Variants in ARFGEF3 observed in about 807,000 individuals in gnomAD.
ARFGEF3 encodes the protein ARFGEF family member 3.
ARFGEF3 carries 96 observed loss-of-function variants against 221.7 expected under a neutral mutation model. The ratio of observed to expected loss-of-function variants is 0.43; its 90% CI spans 0.37 to 0.51. The LOEUF is 0.51. ARFGEF3 is among the 20% of genes least tolerant of loss of function. The probability of loss-of-function intolerance (pLI) is 0.00; values close to 1 mark genes in which losing one functional copy is unlikely to be tolerated. For synonymous variants in ARFGEF3, 1,145 were observed against 1,126.8 expected (o/e 1.02, Z -0.32); for missense variants, 2,410 against 2,789.9 (o/e 0.86, Z 3.07).
At chr6:138,214,929 C>A (rs1777808176) in intron 4 of ARFGEF3, among the ~76,000 whole-genome samples, 1 of 152,036 alleles carries the variant, frequency 6.6e-6, no homozygotes, top group Non-Finnish European at 1.5e-5. Flanking sequence ...GCTATGGAAC[C>A]CAAAGAAAAG....
intron 4 of ARFGEF3, among the ~76,000 whole-genome samples, chr6:138,210,773 A>G (rs563551977): frequency 1.3e-5 from 2 of 152,298 alleles, no homozygotes; most frequent in Non-Finnish European, 2.9e-5. Flanking sequence ...CGGGGAACAT[A>G]TGTTGAGAAA....
At position 138,340,228 on chromosome 6, in the gene ARFGEF3, ATAAAAC is replaced by A. The variant is rs1780405136; in HGVS notation, c.*3748_*3753del. On this transcript the variant is annotated 3_prime_UTR_variant, in exon 34 of 34. Coordinates refer to ENST00000251691, the MANE Select transcript of ARFGEF3 (RefSeq NM_020340.5). ...CAAAGTGAGACTTCGTCTCAAGTAAATAAAACTAAAATTTTTAAATCAAACATGACA... is the reference window on the plus strand; with the variant it reads ...CAAAGTGAGACTTCGTCTCAAGTAAATAAAATTTTTAAATCAAACATGACA... The A allele has an allele frequency of 6.6e-6, 1 of 152,260 alleles. No homozygotes were observed. Among genetic ancestry groups the A allele is most frequent in the Non-Finnish European group, 1.5e-5 (1 of 68,046 alleles). The allele number at this position is 152,260 out of a possible 1,614,324, so 9.4% of individuals were successfully genotyped here.
At chr6:138,282,143 TG>T (rs1779206913) in intron 14 of ARFGEF3, among the ~76,000 whole-genome samples, 1 of 152,246 alleles carries the variant, frequency 6.6e-6, no homozygotes, top group East Asian at 1.9e-4. Flanking sequence ...TGAGTATAGA[TG>T]GGGTTTCACC....
chr6:138,224,374 A>G (rs1778039021), intron 4 of ARFGEF3, among the ~76,000 whole-genome samples: 1 of 152,198 alleles, frequency 6.6e-6, no homozygotes, highest in South Asian at 2.1e-4. Context: ...GGATTACCAA[A>G]TTATAATTTC....
intron 4 of ARFGEF3, chr6:138,217,751 A>G: frequency 1.9e-6 from 1 of 534,680 alleles, no homozygotes; most frequent in Non-Finnish European, 2.9e-6. Context: ...ACTAGGATAA[A>G]TAACAAACTA....
chr6:138,179,470 T>C (rs1193599551), intron 2 of ARFGEF3, among the ~76,000 whole-genome samples: 7 of 151,938 alleles, frequency 4.6e-5, no homozygotes, highest in South Asian at 2.1e-4. Flanking sequence ...CTTTTTTTTT[T>C]CCCATTTGTC....
At chr6:138,273,820 A>G (rs1188548382) in intron 12 of ARFGEF3, among the ~76,000 whole-genome samples, 4 of 152,232 alleles carry the variant, frequency 2.6e-5, no homozygotes, top group Non-Finnish European at 4.4e-5. Context: ...TCATGTTTCC[A>G]TTATTATCAA....
Position 138,317,385 on chromosome 6 carries a change from T to A in ARFGEF3, c.4474+6T>A. 6.2e-7 allele frequency: 1 copy of A among 1,613,864 alleles called. No homozygotes were observed. Among genetic ancestry groups the A allele is most frequent in the African/African-American group, 1.3e-5 (1 of 75,032 alleles). ...AGATGTGACGAAAACACCAGGTAAA[T>A]ATTTCTGTGTCCGTCTTTTGGGGGA... On this transcript the variant is annotated splice_donor_region_variant and intron_variant, in intron 27 of 33. Transcript: ENST00000251691.
chr6:138,217,842 C>A, intron 4 of ARFGEF3: 1 of 1,171,002 alleles, frequency 8.5e-7, no homozygotes, highest in Non-Finnish European at 1.2e-6. Context: ...TTGAAATAAC[C>A]TCCTACATCA....
At chr6:138,180,110 A>G (rs1777049064) in intron 2 of ARFGEF3, among the ~76,000 whole-genome samples, 1 of 152,170 alleles carries the variant, frequency 6.6e-6, no homozygotes, top group South Asian at 2.1e-4. Context: ...ACCAATGCCT[A>G]TCAGTTTTTT....
intron 19 of ARFGEF3, 64 bp from the exon 20 acceptor site, chr6:138,293,929 A>C (rs1363556757): frequency 1.3e-6 from 2 of 1,532,544 alleles, no homozygotes; most frequent in East Asian, 4.5e-5. Flanking sequence ...TACCATAATC[A>C]TTCTGCCATA....
intron 2 of ARFGEF3, among the ~76,000 whole-genome samples, chr6:138,183,493 C>A (rs966788389): frequency 2.0e-5 from 3 of 151,974 alleles, no homozygotes; most frequent in African/African-American, 7.2e-5. Flanking sequence ...ACGTCTGTAT[C>A]GGAGGGGTCT....
chr6:138,323,850 C>A, intron 30 of ARFGEF3, 77 bp downstream of exon 30: 1 of 1,558,824 alleles, frequency 6.4e-7, no homozygotes. Context: ...ATGTTGGGCA[C>A]ATGGGTTCTG....
intron 31 of ARFGEF3, among the ~76,000 whole-genome samples, chr6:138,324,780 T>C (rs1374928187): frequency 6.6e-6 from 1 of 152,240 alleles, no homozygotes. Context: ...ATGTCTTTGT[T>C]GAATCAATAG....
At chr6:138,266,847 T>TAAAAAAAA (rs1778903964) in intron 12 of ARFGEF3, among the ~76,000 whole-genome samples, 1 of 33,248 alleles carries the variant, frequency 3.0e-5, no homozygotes. Context: ...AGACTCCATC[T>TAAAAAAAA]CAAAAAAAAA....
At chr6:138,182,490 G>A (rs1777096019) in intron 2 of ARFGEF3, among the ~76,000 whole-genome samples, 3 of 152,188 alleles carry the variant, frequency 2.0e-5, no homozygotes, top group Admixed American at 2.0e-4. Flanking sequence ...AGGAGCCAGT[G>A]CTTTTAAAAG....
rs1776986157 is a variant in ARFGEF3, at chr6:138,177,829, T to C, written c.137+7116T>C. Among the ~76,000 whole-genome samples, 5 of 152,228 alleles carry C rather than the reference T, an allele frequency of 3.3e-5. No individual in the cohort carries two copies. In the South Asian group the frequency reaches 1.0e-3, roughly 32 times the overall value. On this transcript the variant is annotated intron_variant, in intron 2 of 33. Transcript: ENST00000251691. ...TTCCAGAATATTTTTAAGATGTCTA[T>C]CTCCTTGGTAAATTTTTCATTCATA... is the stretch of plus-strand genomic sequence containing the variant.
intron 29 of ARFGEF3, among the ~76,000 whole-genome samples, chr6:138,322,768 C>G (rs751259138): frequency 6.7e-6 from 1 of 149,110 alleles, no homozygotes; most frequent in Non-Finnish European, 1.5e-5. Context: ...GCACTCCAGC[C>G]TGGGCAACAG....
In ARFGEF3 at chr6:138,241,929, T is replaced by C. The variant is rs1288052924; in HGVS notation, c.544-1023T>C. On this transcript the variant is annotated intron_variant, in intron 6 of 33. Transcript: ENST00000251691. ...TACTAATTTCAAAAAGTAAAGTTGC[T>C]ACATTTAAATATTTGGGGCTGAAAG... is the stretch of plus-strand genomic sequence containing the variant. Among the ~76,000 whole-genome samples, 6 of 152,230 alleles carry C rather than the reference T, an allele frequency of 3.9e-5. No homozygotes were observed. The East Asian group carries it at 1.2e-3, about 29-fold the overall frequency.
Sources: allele counts gnomAD v4.1 joint callset (sites outside exome capture counted in the v4.1 genomes callset), GRCh38; gene constraint gnomAD v4.1.1; transcripts MANE v1.5; gene names NCBI Gene and HGNC (gene_info 2026-07-23, HGNC 2026-07-21).